The following IQGAP1 variants were observed in gnomAD, a reference collection of about 807,000 sequenced individuals.
IQGAP1 encodes the protein IQ motif containing GTPase activating protein 1, also known as ras GTPase-activating-like protein IQGAP1.
IQGAP1 carries 66 observed loss-of-function variants against 215.6 expected under a neutral mutation model. That is an observed-to-expected ratio of 0.31 (90% CI 0.25 to 0.38). The LOEUF (loss-of-function observed/expected upper bound fraction) is 0.38, where lower values mean the gene tolerates loss of function less well. Ranked by LOEUF, IQGAP1 falls within the 10% of genes least tolerant of loss-of-function variation. The pLI is 1.00. For missense variants in IQGAP1, 1,712 were observed against 1,997.1 expected (o/e 0.86, Z 2.72); for synonymous variants, 772 against 728.7 (o/e 1.06, Z -0.96).
At chr15:90,410,809 G>GCA (rs1964951816) in intron 2 of IQGAP1, among the ~76,000 whole-genome samples, 1 of 148,704 alleles carries the variant, frequency 6.7e-6, no homozygotes, top group Non-Finnish European at 1.5e-5. Context: ...AAACCTGCAT[G>GCA]TTGTGCACAT....
intron 26 of IQGAP1, among the ~76,000 whole-genome samples, chr15:90,481,427 G>C (rs1285583846): frequency 6.6e-6 from 1 of 151,982 alleles, no homozygotes; most frequent in Non-Finnish European, 1.5e-5. Context: ...ACAAAGTCCA[G>C]ATTTGTCAGT....
chr15:90,485,989 G>A, intron 30 of IQGAP1, 41 bp from the exon 31 acceptor site: 4 of 1,447,416 alleles, frequency 2.8e-6, no homozygotes, highest in Non-Finnish European at 3.9e-6. Flanking sequence ...ACGGGCTGAA[G>A]AGTTGAATGT....
intron 26 of IQGAP1, among the ~76,000 whole-genome samples, chr15:90,479,518 G>T (rs1307929393): frequency 2.0e-5 from 3 of 150,444 alleles, no homozygotes; most frequent in Non-Finnish European, 1.5e-5. Flanking sequence ...TGGGAGGATT[G>T]CTTGAGCTCA....
At chr15:90,464,028 G>A (rs189190485) in intron 15 of IQGAP1, among the ~76,000 whole-genome samples, 149 of 152,278 alleles carry the variant, frequency 9.8e-4, no homozygotes, top group African/African-American at 3.5e-3. Context: ...TCAAAGCTCA[G>A]ACCCTGCCTC....
Position 90,477,206 on chromosome 15 carries a change from A to G in IQGAP1, c.3080A>G (p.Lys1027Arg), listed in dbSNP as rs773592200. The G allele has an allele frequency of 1.2e-6, 2 of 1,614,088 alleles. No individual in the cohort carries two copies. Among genetic ancestry groups the G allele is most frequent in the South Asian group, 2.2e-5 (2 of 91,076 alleles). Residue 1027 changes from lysine (K) to arginine (R), a missense_variant, in exon 25 of 38, where the codon AAG (lysine) becomes AGG (arginine). Around this residue, in one of 2 missense-constraint regions of IQGAP1, gnomAD observed 691 missense variants for 923.0 expected, o/e 0.75. Coordinates refer to ENST00000268182, the MANE Select transcript of IQGAP1 (RefSeq NM_003870.4). ...REEYLLLRLFKTALQEEIKSK... is the reference protein window; with the variant it reads ...REEYLLLRLFRTALQEEIKSK... ...GAGTACCTGCTCCTGCGGCTCTTTA[A>G]GACAGCACTCCAAGAGGAAATCAAG... is the stretch of plus-strand genomic sequence containing the variant.
chr15:90,467,627 G>C lies in IQGAP1; in HGVS notation c.2178+35G>C, dbSNP rs755519797. On this transcript the variant is annotated intron_variant, in intron 18 of 37. Transcript: ENST00000268182. ...CTTTCTTCACGTAAGAAGAAGCTGA[G>C]AGAAAGTGTTTTCAAGCTATAATAT... 16 of 1,579,886 alleles carry C rather than the reference G, an allele frequency of 1.0e-5. No individual in the cohort carries two copies. The South Asian group carries it at 1.2e-4, about 11-fold the overall frequency.
At position 90,391,896 on chromosome 15, in the gene IQGAP1, G is replaced by A. The variant is rs554312669; in HGVS notation, c.155+1023G>A. 9 of 152,184 alleles carry A rather than the reference G, an allele frequency of 5.9e-5. No homozygotes were observed. In the East Asian group the frequency reaches 7.7e-4, roughly 13 times the overall value. 9.4% of individuals were successfully genotyped at this position (152,184 alleles called of 1,614,324 possible). A position where few individuals can be genotyped will look rare whatever the true frequency, so the allele number is the denominator to read the frequency against. On this transcript the variant is annotated intron_variant, in intron 2 of 37. Transcript: ENST00000268182. ...GGATAATGAAATATTTGTAATTAAC[G>A]TTTAATAAAAAGGGTGTTTGAAGTG...
At chr15:90,390,664 A>G in intron 1 of IQGAP1, 110 bp from the exon 2 acceptor site, 2 of 708,582 alleles carry the variant, frequency 2.8e-6, no homozygotes, top group Non-Finnish European at 5.1e-6. Context: ...CACACTCATT[A>G]GTTATCCTGA....
At chr15:90,457,038 T>C (rs1965694689) in intron 15 of IQGAP1, among the ~76,000 whole-genome samples, 1 of 150,938 alleles carries the variant, frequency 6.6e-6, no homozygotes, top group African/African-American at 2.4e-5. Flanking sequence ...GGGTATGCAA[T>C]TGCATAAATT....
In IQGAP1 at chr15:90,473,732, C is replaced by T; in HGVS notation, c.2367C>T (p.Tyr789=). 6.2e-7 allele frequency: 1 copy of T among 1,608,912 alleles called. No homozygotes were observed. Among genetic ancestry groups the T allele is most frequent in the Non-Finnish European group, 8.5e-7 (1 of 1,177,444 alleles). The change falls in exon 20 of 38, where the codon TAC becomes TAT. Residue 789 remains tyrosine, a synonymous_variant. Coordinates refer to ENST00000268182, the MANE Select transcript of IQGAP1 (RefSeq NM_003870.4). ...TGTTTCAGTCACAGTGGAGAGGATACAAGCAGAAGAAGGCATATCAAGATC... is the reference window on the plus strand; with the variant it reads ...TGTTTCAGTCACAGTGGAGAGGATATAAGCAGAAGAAGGCATATCAAGATC... ...ITCIQSQWRG[Y]KQKKAYQDRL...
At chr15:90,431,594 C>A (rs544775777) in intron 4 of IQGAP1, among the ~76,000 whole-genome samples, 94 of 152,136 alleles carry the variant, frequency 6.2e-4, no homozygotes, top group African/African-American at 2.2e-3. Context: ...AGTATATTGT[C>A]CTGGACTACA....
chr15:90,466,421 A>C lies in IQGAP1; in HGVS notation c.2020A>C (p.Lys674Gln). 2 of 1,614,158 alleles carry C rather than the reference A, an allele frequency of 1.2e-6. No individual in the cohort carries two copies. Among genetic ancestry groups the C allele is most frequent in the South Asian group, 2.2e-5 (2 of 91,086 alleles). Reference protein sequence around the residue: ...YHSDLAEAKKKKLAVGDNNSK... With the variant: ...YHSDLAEAKKQKLAVGDNNSK... ...CAGTGATCTTGCTGAAGCCAAGAAG[A>C]AAAAACTGGCAGTAGGTGAGTTCTG... Residue 674 changes from lysine to glutamine, a missense_variant, in exon 17 of 38, where the codon AAA becomes CAA. This residue lies in a region of IQGAP1 where 1,021 missense variants were observed against 1,074.2 expected (regional missense o/e 0.95). Coordinates refer to ENST00000268182, the MANE Select transcript of IQGAP1 (RefSeq NM_003870.4).
chr15:90,454,395 T>TTAA (rs775320848), intron 13 of IQGAP1, 33 bp from the exon 14 acceptor site: 1 of 1,612,820 alleles, frequency 6.2e-7, no homozygotes, highest in South Asian at 1.1e-5. Context: ...CATGCTGTGC[T>TTAA]TAATGCTCTT....
intron 2 of IQGAP1, among the ~76,000 whole-genome samples, chr15:90,392,610 C>T (rs1748695201): frequency 6.6e-6 from 1 of 152,110 alleles, no homozygotes; most frequent in Non-Finnish European, 1.5e-5. Flanking sequence ...GGTGTTTTGG[C>T]TAACACCTCC....
chr15:90,458,246 A>C (rs1450540936), intron 15 of IQGAP1, among the ~76,000 whole-genome samples: 7 of 152,252 alleles, frequency 4.6e-5, no homozygotes, highest in Middle Eastern at 3.4e-3. Flanking sequence ...ACTGTACCAC[A>C]TTTTATTTAT....
At position 90,452,871 on chromosome 15, in the gene IQGAP1, A is replaced by G. The variant is rs1333903783; in HGVS notation, c.1259A>G (p.Gln420Arg). 2 of 1,614,132 alleles carry G rather than the reference A, an allele frequency of 1.2e-6. No individual in the cohort carries two copies. Among genetic ancestry groups the G allele is most frequent in the South Asian group, 1.1e-5 (1 of 91,078 alleles). The change falls in exon 12 of 38, where the codon CAG becomes CGG. Residue 420 changes from glutamine to arginine, a missense_variant. Around this residue, in one of 2 missense-constraint regions of IQGAP1, gnomAD observed 1,021 missense variants for 1,074.2 expected, o/e 0.95. Transcript: ENST00000268182. The stretch of plus-strand genomic sequence containing the variant: ...ATGAATCCCGAAGCCCAGCTGCCCC[A>G]GGTGTATCCATTTGCCGCCGATCTC... ...ELMNPEAQLP[Q>R]VYPFAADLYQ...
intron 29 of IQGAP1, 146 bp from the exon 30 acceptor site, chr15:90,484,074 C>A: frequency 1.4e-6 from 1 of 703,826 alleles, no homozygotes; most frequent in Non-Finnish European, 2.4e-6. Context: ...GGTTGTCAAG[C>A]ACAGCAAACA....
At chr15:90,475,988 T>G (rs1965974529) in intron 23 of IQGAP1, among the ~76,000 whole-genome samples, 1 of 152,042 alleles carries the variant, frequency 6.6e-6, no homozygotes, top group Non-Finnish European at 1.5e-5. Flanking sequence ...CAGGCTGGAG[T>G]GCAGTGGCAT....
intron 15 of IQGAP1, among the ~76,000 whole-genome samples, chr15:90,461,768 A>T (rs1263015729): frequency 1.3e-5 from 2 of 151,904 alleles, no homozygotes; most frequent in Admixed American, 1.3e-4. Context: ...AGGAGGTTGC[A>T]GTAAGCTGAG....
Sources: gnomAD v4.1 joint callset for allele counts (sites outside exome capture counted in the v4.1 genomes callset) on GRCh38, gnomAD v4.1.1 for gene constraint, gnomAD v4.1.1 regional missense constraint, MANE v1.5 for transcripts, NCBI Gene and HGNC (gene_info 2026-07-23, HGNC 2026-07-21) for gene names.